Variants in IL6R observed in about 807,000 individuals in gnomAD.
IL6R encodes interleukin 6 receptor.
In IL6R, 38 loss-of-function variants were observed where a neutral mutation model predicts 48.3. The observed-to-expected ratio is 0.79, with a 90% CI of 0.61 to 1.03. The LOEUF (loss-of-function observed/expected upper bound fraction) is 1.03, where lower values mean the gene tolerates loss of function less well. Among genes scored for constraint, IL6R ranks in the 50% least tolerant of loss-of-function variants. The pLI is 0.00. For missense variants in IL6R, 534 were observed against 618.3 expected (o/e 0.86, Z 1.45); for synonymous variants, 264 against 256.2 (o/e 1.03, Z -0.29).
chr1:154,460,815 G>A (rs1301924035), intron 9 of IL6R, among the ~76,000 whole-genome samples: 2 of 152,166 alleles, frequency 1.3e-5, no homozygotes, highest in African/African-American at 2.4e-5. Flanking sequence ...CCAGCCGTAC[G>A]GAGCTTAGCG....
chr1:154,460,940 G>A (rs1269880174), intron 9 of IL6R, among the ~76,000 whole-genome samples: 1 of 152,172 alleles, frequency 6.6e-6, no homozygotes, highest in Non-Finnish European at 1.5e-5. Flanking sequence ...TGCAGAGACC[G>A]GTAGTGGCCC....
intron 1 of IL6R, among the ~76,000 whole-genome samples, chr1:154,408,926 C>T (rs923331987): frequency 7.9e-5 from 12 of 152,122 alleles, no homozygotes; most frequent in Non-Finnish European, 8.8e-5. Context: ...AGGAGGATCT[C>T]TTGAGCTCAG....
chr1:154,418,440 C>T, intron 1 of IL6R: 1 of 979,986 alleles, frequency 1.0e-6, no homozygotes, highest in Non-Finnish European at 1.2e-6. Flanking sequence ...AAGGTAAATA[C>T]TGACTCAGAC....
intron 6 of IL6R, among the ~76,000 whole-genome samples, chr1:154,444,749 A>G (rs1290808640): frequency 6.6e-6 from 1 of 152,008 alleles, no homozygotes; most frequent in Non-Finnish European, 1.5e-5. Flanking sequence ...AAAGTTAAAA[A>G]AAAATTAGTT....
chr1:154,417,226 C>A (rs1012165779), intron 1 of IL6R, among the ~76,000 whole-genome samples: 2 of 152,218 alleles, frequency 1.3e-5, no homozygotes. Flanking sequence ...CAGAGGGCTG[C>A]GTGTTAAGCC....
At chr1:154,422,735 G>A (rs1189046258) in intron 1 of IL6R, among the ~76,000 whole-genome samples, 3 of 152,150 alleles carry the variant, frequency 2.0e-5, no homozygotes, top group South Asian at 2.1e-4. Context: ...CCACGCCTTC[G>A]CCCCCGCGTG....
intron 6 of IL6R, among the ~76,000 whole-genome samples, chr1:154,439,817 C>A (rs1455731883): frequency 6.6e-6 from 1 of 152,198 alleles, no homozygotes; most frequent in Non-Finnish European, 1.5e-5. Flanking sequence ...TTTGACTACT[C>A]TAGTACTTCA....
In IL6R at chr1:154,405,748, C is replaced by CAGCTAGCGGCTGGGGG. The variant is rs1303887090; in HGVS notation, c.85+36_85+51dup. The CAGCTAGCGGCTGGGGG allele has an allele frequency of 6.5e-6, 9 of 1,395,260 alleles. No homozygotes were observed. The East Asian group carries it at 2.6e-4, about 40-fold the overall frequency. The allele number at this position is 1,395,260 out of a possible 1,614,324, so 86.4% of individuals were successfully genotyped here. Reference sequence around the variant, plus strand: ...TTCGGGCGCACCTGGAGGGCTGGGGCAGCTAGCGGCTGGGGGAAACCGCCT... The same window carrying CAGCTAGCGGCTGGGGG: ...TTCGGGCGCACCTGGAGGGCTGGGGCAGCTAGCGGCTGGGGGAGCTAGCGGCTGGGGGAAACCGCCT... On this transcript the variant is annotated intron_variant, in intron 1 of 9. Coordinates refer to ENST00000368485, the MANE Select transcript of IL6R (RefSeq NM_000565.4). The surrounding 1 kb of genome is among the most constrained non-coding windows in gnomAD (Gnocchi z 5.2).
chr1:154,465,488 C>T lies in IL6R; in HGVS notation c.*108C>T. The T allele has an allele frequency of 7.6e-7, 1 of 1,317,138 alleles. No individual in the cohort carries two copies. The highest frequency in any genetic ancestry group is 2.3e-5 in the East Asian group (1 of 43,076). The allele number at this position is 1,317,138 out of a possible 1,614,324, so 81.6% of individuals were successfully genotyped here. ...GCCAGCTTATCTCAGGGGTGTGCGG[C>T]CTTTGGCTTCACGGAAGAGCCTTGC... is the stretch of plus-strand genomic sequence containing the variant. On this transcript the variant is annotated 3_prime_UTR_variant, in exon 10 of 10. Coordinates refer to ENST00000368485, the MANE Select transcript of IL6R (RefSeq NM_000565.4).
chr1:154,409,884 G>A (rs1464046748), intron 1 of IL6R, among the ~76,000 whole-genome samples: 1 of 152,172 alleles, frequency 6.6e-6, no homozygotes. Context: ...GCAGGGTGGG[G>A]TGGCATGGTG....
intron 5 of IL6R, 74 bp downstream of exon 5, chr1:154,435,230 C>A: frequency 6.9e-7 from 1 of 1,442,536 alleles, no homozygotes. Flanking sequence ...GTACTAGAGG[C>A]CAGGCATGGT....
chr1:154,422,603 T>G lies in IL6R; in HGVS notation c.86-6593T>G, dbSNP rs138158870. ...CACATCATGGGTGCACAAAAATTATTGAATTCTTGAAGAAGGGACAGGCAT... is the reference window on the plus strand; with the variant it reads ...CACATCATGGGTGCACAAAAATTATGGAATTCTTGAAGAAGGGACAGGCAT... On this transcript the variant is annotated intron_variant, in intron 1 of 9. Transcript: ENST00000368485. Among the ~76,000 whole-genome samples the G allele has an allele frequency of 4.6e-5, 7 of 152,280 alleles. No homozygotes were observed. In the East Asian group the frequency reaches 1.4e-3, roughly 29 times the overall value.
intron 1 of IL6R, among the ~76,000 whole-genome samples, chr1:154,425,361 T>C (rs1273509527): frequency 6.6e-6 from 1 of 152,162 alleles, no homozygotes; most frequent in African/African-American, 2.4e-5. Context: ...GCCACCCTCT[T>C]TGATATGGCA....
chr1:154,416,151 G>A (rs1297955548), intron 1 of IL6R, among the ~76,000 whole-genome samples: 1 of 151,690 alleles, frequency 6.6e-6, no homozygotes, highest in Non-Finnish European at 1.5e-5. Context: ...TTTTTTAGAG[G>A]AAGGGTCTCA....
intron 1 of IL6R, among the ~76,000 whole-genome samples, chr1:154,426,116 C>T (rs1688950755): frequency 6.8e-6 from 1 of 146,666 alleles, no homozygotes; most frequent in African/African-American, 2.5e-5. Context: ...CACATATACA[C>T]ACAAAGGAAG....
intron 1 of IL6R, chr1:154,415,176 G>A (rs1688262444): frequency 2.8e-6 from 2 of 717,690 alleles, no homozygotes; most frequent in Admixed American, 2.0e-5. Context: ...GGTCGCCAGG[G>A]GCCCGGAGCT....
intron 7 of IL6R, among the ~76,000 whole-genome samples, chr1:154,448,577 A>T (rs1452356467): frequency 6.6e-6 from 1 of 152,236 alleles, no homozygotes; most frequent in Non-Finnish European, 1.5e-5. Context: ...CCAATTTCCT[A>T]TCCAACTATA....
chr1:154,413,442 G>A (rs1465006640), intron 1 of IL6R, among the ~76,000 whole-genome samples: 1 of 152,240 alleles, frequency 6.6e-6, no homozygotes, highest in African/African-American at 2.4e-5. Flanking sequence ...GAATTGATGG[G>A]CAAAGGCCAT....
chr1:154,435,189 C>T (rs373840077), intron 5 of IL6R, 33 bp downstream of exon 5: 11 of 1,603,438 alleles, frequency 6.9e-6, no homozygotes, highest in South Asian at 3.3e-5. Flanking sequence ...GTCAGAGAGG[C>T]GCCCCTAGAT....
Sources: allele counts gnomAD v4.1 joint callset (sites outside exome capture counted in the v4.1 genomes callset), GRCh38; gene constraint gnomAD v4.1.1; non-coding constraint Gnocchi (gnomAD v3.1); transcripts MANE v1.5; gene names NCBI Gene and HGNC (gene_info 2026-07-23, HGNC 2026-07-21).